MAMSTR: variants seen among roughly 807,000 people sequenced by gnomAD.
The protein encoded by MAMSTR is MEF2 activating motif and SAP domain containing transcriptional regulator, also known as MEF2-activating motif and SAP domain-containing transcriptional regulator.
In MAMSTR, 41 loss-of-function variants were observed where a neutral mutation model predicts 42.7. That is an observed-to-expected ratio of 0.96 (90% CI 0.75 to 1.25). The LOEUF (loss-of-function observed/expected upper bound fraction) is 1.25. Ranked by LOEUF, MAMSTR falls within the 50% of genes most tolerant of loss-of-function variation. The pLI is 0.00. For missense variants in MAMSTR, 567 were observed against 557.6 expected (o/e 1.02, Z -0.17); for synonymous variants, 265 against 244.1 (o/e 1.09, Z -0.80).
At chr19:48,717,866 G>A (rs181925153) in intron 2 of MAMSTR, among the ~76,000 whole-genome samples, 7 of 152,058 alleles carry the variant, frequency 4.6e-5, no homozygotes, top group African/African-American at 1.7e-4. Context: ...CGCCACACCC[G>A]GCTAATTTTC....
chr19:48,713,809 A>G (rs1601246887), intron 8 of MAMSTR, 39 bp from the exon 9 acceptor site: 2 of 1,614,036 alleles, frequency 1.2e-6, no homozygotes, highest in African/African-American at 2.7e-5. Context: ...CGGGACTGCG[A>G]CCTGGACCTG....
Position 48,719,068 on chromosome 19 carries a change from G to T in MAMSTR, c.-21-16C>A, listed in dbSNP as rs924320574. 7 of 1,541,938 alleles carry T rather than the reference G, an allele frequency of 4.5e-6. No homozygotes were observed. The African/African-American group carries it at 9.6e-5, about 21-fold the overall frequency. ...GGATGGGGACCTGGACGGAGAGGGG[G>T]CAGGGCAGGGGCCCCATAGAGGGCT... is the stretch of plus-strand genomic sequence containing the variant. On this transcript the variant is annotated splice_polypyrimidine_tract_variant and intron_variant, in intron 1 of 9. Transcript: ENST00000318083. The surrounding 1 kb of genome is among the most constrained non-coding windows in gnomAD (Gnocchi z 4.4).
downstream of MAMSTR, among the ~76,000 whole-genome samples, chr19:48,710,132 C>A (rs2032701240): frequency 6.7e-6 from 1 of 150,104 alleles, no homozygotes; most frequent in Non-Finnish European, 1.5e-5. Context: ...GCTGGGACTA[C>A]TTTTGTTTTT....
Position 48,719,056 on chromosome 19 carries a change from G to T in MAMSTR, c.-21-4C>A, listed in dbSNP as rs958413589. Reference sequence around the variant, plus strand: ...TTGCCAAGGCCGGGATGGGGACCTGGACGGAGAGGGGGCAGGGCAGGGGCC... The same window carrying T: ...TTGCCAAGGCCGGGATGGGGACCTGTACGGAGAGGGGGCAGGGCAGGGGCC... On this transcript the variant is annotated splice_region_variant and splice_polypyrimidine_tract_variant and intron_variant, in intron 1 of 9. Coordinates refer to ENST00000318083, the MANE Select transcript of MAMSTR (RefSeq NM_001130915.2). This position sits in a 1 kb window ranked among gnomAD's most constrained non-coding sequence, Gnocchi z 4.4. 1 of 1,549,960 alleles carries T rather than the reference G, an allele frequency of 6.5e-7. No individual in the cohort carries two copies. Among genetic ancestry groups the T allele is most frequent in the South Asian group, 1.2e-5 (1 of 84,036 alleles).
downstream of MAMSTR, among the ~76,000 whole-genome samples, chr19:48,709,916 C>A (rs937658775): frequency 1.3e-5 from 2 of 152,208 alleles, no homozygotes; most frequent in Non-Finnish European, 2.9e-5. Flanking sequence ...TTCGCCCAGG[C>A]TGGAGTGCAG....
chr19:48,715,905 G>T (rs1019038719), intron 3 of MAMSTR, 138 bp from the exon 4 acceptor site: 3 of 1,445,458 alleles, frequency 2.1e-6, no homozygotes, highest in Non-Finnish European at 2.7e-6. Context: ...GGAGATGGGC[G>T]CCTGAACTGG....
intron 5 of MAMSTR, 88 bp from the exon 6 acceptor site, chr19:48,714,996 A>G: frequency 1.1e-6 from 1 of 879,782 alleles, no homozygotes; most frequent in Non-Finnish European, 1.8e-6. Context: ...GGAGCTGGGG[A>G]AGATGCAGAA....
chr19:48,719,354 CCTGAGGAG>C lies in MAMSTR; in HGVS notation c.-21-310_-21-303del, dbSNP rs1267267631. On this transcript the variant is annotated intron_variant, in intron 1 of 9. Transcript: ENST00000318083. The surrounding 1 kb of genome is among the most constrained non-coding windows in gnomAD (Gnocchi z 4.4). ...GACCTGGAATCTGGGACTCCTGGGT[CCTGAGGAG>C]GAAGGGTTGCGGGTTGGGACCCCTG... is the stretch of plus-strand genomic sequence containing the variant. Among the ~76,000 whole-genome samples, 2 of 151,792 alleles carry C rather than the reference CCTGAGGAG, an allele frequency of 1.3e-5. No homozygotes were observed. Among genetic ancestry groups the C allele is most frequent in the Non-Finnish European group, 2.9e-5 (2 of 67,926 alleles).
chr19:48,717,515 C>G (rs1024665987), intron 2 of MAMSTR, among the ~76,000 whole-genome samples: 1 of 149,884 alleles, frequency 6.7e-6, no homozygotes, highest in Non-Finnish European at 1.5e-5. Flanking sequence ...CTGTGTTGCC[C>G]AGGATGAATG....
At chr19:48,717,341 G>A (rs763233164) in intron 2 of MAMSTR, among the ~76,000 whole-genome samples, 1 of 151,342 alleles carries the variant, frequency 6.6e-6, no homozygotes, top group Non-Finnish European at 1.5e-5. Context: ...TAGAGACAAG[G>A]TCTCACTCTG....
At position 48,719,229 on chromosome 19, in the gene MAMSTR, C is replaced by A. The variant is rs916970720; in HGVS notation, c.-21-177G>T. ...GGCTGTAGAGGAGGGGGCTGCACAC[C>A]CGGACACCTTGCTCCGAGGAAGGAG... On this transcript the variant is annotated intron_variant, in intron 1 of 9. Transcript: ENST00000318083. This position sits in a 1 kb window ranked among gnomAD's most constrained non-coding sequence, Gnocchi z 4.4. Among the ~76,000 whole-genome samples, 10 of 151,994 alleles carry A rather than the reference C, an allele frequency of 6.6e-5. No individual in the cohort carries two copies.
Position 48,719,039 on chromosome 19 carries a change from G to C in MAMSTR, c.-8C>G. 1 of 1,550,966 alleles carries C rather than the reference G, an allele frequency of 6.4e-7. No homozygotes were observed. The highest frequency in any genetic ancestry group is 1.2e-5 in the South Asian group (1 of 84,056). On this transcript the variant is annotated 5_prime_UTR_variant, in exon 2 of 10. Transcript: ENST00000318083. This position sits in a 1 kb window ranked among gnomAD's most constrained non-coding sequence, Gnocchi z 4.4. ...GGAAGCCGCCAGGGTCATTGCCAAGGCCGGGATGGGGACCTGGACGGAGAG... is the reference window on the plus strand; with the variant it reads ...GGAAGCCGCCAGGGTCATTGCCAAGCCCGGGATGGGGACCTGGACGGAGAG...
In MAMSTR at chr19:48,715,766, G is replaced by T; in HGVS notation, c.99C>A (p.Ile33=). 2 of 1,539,956 alleles carry T rather than the reference G, an allele frequency of 1.3e-6. No individual in the cohort carries two copies. The highest frequency in any genetic ancestry group is 1.7e-6 in the Non-Finnish European group (2 of 1,144,196). Residue 33 remains isoleucine (I), a splice_region_variant and synonymous_variant, in exon 4 of 10, where the codon ATC becomes ATA. Transcript: ENST00000318083. ...LRIHRRNQEQ[I]SDPDPWISAS... Reference sequence around the variant, plus strand: ...CTGAGATCCACGGGTCCGGATCCGAGACTGGAGAGACGGTGAAGGACCCTG... The same window carrying T: ...CTGAGATCCACGGGTCCGGATCCGATACTGGAGAGACGGTGAAGGACCCTG...
rs770377402 is a variant in MAMSTR, at chr19:48,713,449, G to A, written c.1066C>T (p.Pro356Ser). The A allele has an allele frequency of 1.2e-6, 2 of 1,612,798 alleles. No individual in the cohort carries two copies. The highest frequency in any genetic ancestry group is 2.2e-5 in the South Asian group (2 of 90,936). The change falls in exon 10 of 10, where the codon CCG (proline) becomes TCG (serine). Residue 356 changes from proline to serine, a missense_variant. Coordinates refer to ENST00000318083, the MANE Select transcript of MAMSTR (RefSeq NM_001130915.2). ...GGGGAGGAGGAGTTCGTGGGAGACG[G>A]GAGTGAAGAGGAGAAAACAGATGAG... ...GLSSVFSSSLPSPTNSSSPSP... is the reference protein window; with the variant it reads ...GLSSVFSSSLSSPTNSSSPSP...
At chr19:48,709,983 C>A (rs2032699771), downstream of MAMSTR, among the ~76,000 whole-genome samples, 1 of 151,954 alleles carries the variant, frequency 6.6e-6, no homozygotes, top group Non-Finnish European at 1.5e-5. Context: ...CATTCTCCTG[C>A]CTCAGCCTCC....
At chr19:48,716,938 G>C in intron 2 of MAMSTR, 195 bp from the exon 3 acceptor site, 1 of 1,193,912 alleles carries the variant, frequency 8.4e-7, no homozygotes, top group Non-Finnish European at 1.0e-6. Flanking sequence ...CCAGCGCAGC[G>C]CCGCGGGCCA....
downstream of MAMSTR, among the ~76,000 whole-genome samples, chr19:48,707,838 G>GGAAAGAAGAAA (rs2032667257): frequency 3.3e-5 from 3 of 90,994 alleles, no homozygotes; most frequent in East Asian, 8.4e-4. Context: ...AAGAAAGAAA[G>GGAAAGAAGAAA]GAAAGAAAGA....
At position 48,714,183 on chromosome 19, in the gene MAMSTR, T is replaced by C. The variant is rs78556799; in HGVS notation, c.724-138A>G. 885 of 1,075,170 alleles carry C rather than the reference T, an allele frequency of 8.2e-4. 8 individuals carry two copies. In the African/African-American group the frequency reaches 0.012, roughly 15 times the overall value. 66.6% of individuals were successfully genotyped at this position (1,075,170 alleles called of 1,614,324 possible). On this transcript the variant is annotated intron_variant, in intron 7 of 9. Transcript: ENST00000318083. Reference sequence around the variant, plus strand: ...ACCCCTTTGGCCTCGCCCCCTATTCTTTCATTGGCTCCTCTTCTCTAAAGA... The same window carrying C: ...ACCCCTTTGGCCTCGCCCCCTATTCCTTCATTGGCTCCTCTTCTCTAAAGA...
At chr19:48,714,234 G>A in intron 7 of MAMSTR, 132 bp downstream of exon 7, 1 of 983,424 alleles carries the variant, frequency 1.0e-6, no homozygotes, top group Non-Finnish European at 1.4e-6. Flanking sequence ...TCTGAACCAC[G>A]TCCCCTCGCC....
Sources: gnomAD v4.1 joint callset for allele counts (sites outside exome capture counted in the v4.1 genomes callset) on GRCh38, gnomAD v4.1.1 for gene constraint, Gnocchi (gnomAD v3.1) non-coding constraint, MANE v1.5 for transcripts, NCBI Gene and HGNC (gene_info 2026-07-23, HGNC 2026-07-21) for gene names.